Variants in DAAM1 observed in about 807,000 individuals in gnomAD.
DAAM1 encodes the protein dishevelled associated activator of morphogenesis 1.
DAAM1 carries 52 observed loss-of-function variants against 130.0 expected under a neutral mutation model. The ratio of observed to expected loss-of-function variants is 0.40; its 90% CI spans 0.32 to 0.50. DAAM1 has a LOEUF of 0.50. DAAM1 is among the 20% of genes least tolerant of loss of function. The pLI is 0.61. For missense variants in DAAM1, 1,134 were observed against 1,303.8 expected (o/e 0.87, Z 2.01); for synonymous variants, 452 against 444.5 (o/e 1.02, Z -0.21).
At chr14:59,352,394 C>T (rs1886322942) in intron 17 of DAAM1, 132 bp from the exon 18 acceptor site, 1 of 623,654 alleles carries the variant, frequency 1.6e-6, no homozygotes. Flanking sequence ...TGTATCTTAA[C>T]CTGTGAGCAG....
chr14:59,232,559 T>C (rs960474508), intron 1 of DAAM1, among the ~76,000 whole-genome samples: 33 of 152,146 alleles, frequency 2.2e-4, no homozygotes, highest in Admixed American at 1.8e-3. Flanking sequence ...AAATAAGCCA[T>C]GTAGTATGTC....
chr14:59,283,217 A>C (rs2139547741), intron 2 of DAAM1, among the ~76,000 whole-genome samples: 1 of 152,318 alleles, frequency 6.6e-6, no homozygotes, highest in South Asian at 2.1e-4. Flanking sequence ...CCCCAAAACT[A>C]AGCAAGTTAC....
intron 4 of DAAM1, among the ~76,000 whole-genome samples, chr14:59,317,842 T>C (rs768547298): frequency 1.3e-4 from 20 of 152,176 alleles, no homozygotes; most frequent in Non-Finnish European, 2.9e-4. Context: ...AATTCAGTTT[T>C]TGAAACCCTG....
chr14:59,288,656 G>A (rs921283996), intron 2 of DAAM1, among the ~76,000 whole-genome samples: 3 of 152,138 alleles, frequency 2.0e-5, no homozygotes, highest in Admixed American at 6.6e-5. Context: ...GCTAATCACT[G>A]TACTACTCTG....
intron 16 of DAAM1, among the ~76,000 whole-genome samples, chr14:59,340,457 C>T (rs1160566101): frequency 6.6e-6 from 1 of 152,156 alleles, no homozygotes; most frequent in Non-Finnish European, 1.5e-5. Context: ...AAGCCTGTAA[C>T]ATCGACTTGA....
At chr14:59,314,973 A>T (rs1884729595) in intron 3 of DAAM1, among the ~76,000 whole-genome samples, 1 of 152,196 alleles carries the variant, frequency 6.6e-6, no homozygotes, top group South Asian at 2.1e-4. Flanking sequence ...CCAGTGTGAC[A>T]TAGCCCCTGA....
chr14:59,209,943 C>T (rs1245229873), intron 1 of DAAM1, among the ~76,000 whole-genome samples: 2 of 151,578 alleles, frequency 1.3e-5, no homozygotes, highest in Admixed American at 6.6e-5. Flanking sequence ...ATAGGGAGAC[C>T]CCCATCTCTA....
At position 59,330,550 on chromosome 14, in the gene DAAM1, T is replaced by C; in HGVS notation, c.1422T>C (p.Asp474=). The C allele has an allele frequency of 1.2e-6, 2 of 1,613,598 alleles. No homozygotes were observed. Among genetic ancestry groups the C allele is most frequent in the South Asian group, 1.1e-5 (1 of 91,006 alleles). ...QKLEKKEREC[D]AKTQEKEEMM... ...TGGAAAAGAAAGAACGAGAATGTGATGCTAAGACTCAAGAGAAGGAAGAGA... is the reference window on the plus strand; with the variant it reads ...TGGAAAAGAAAGAACGAGAATGTGACGCTAAGACTCAAGAGAAGGAAGAGA... Residue 474 remains aspartate, a synonymous_variant, in exon 13 of 25, where the codon GAT becomes GAC. Coordinates refer to ENST00000360909, the MANE Select transcript of DAAM1 (RefSeq NM_001270520.2).
intron 1 of DAAM1, among the ~76,000 whole-genome samples, chr14:59,219,488 G>C (rs1372891464): frequency 6.6e-6 from 1 of 152,120 alleles, no homozygotes; most frequent in Non-Finnish European, 1.5e-5. Flanking sequence ...CACTTCAAGA[G>C]ATGGCTTATA....
At position 59,322,961 on chromosome 14, in the gene DAAM1, C is replaced by T. The variant is rs1231745080; in HGVS notation, c.510C>T (p.Tyr170=). Residue 170 remains tyrosine, a synonymous_variant, in exon 6 of 25, where the codon TAC becomes TAT. Transcript: ENST00000360909. ...CILNFLKTMD[Y]ETSESRIHTS... The stretch of plus-strand genomic sequence containing the variant: ...TCAACTTTCTAAAGACCATGGACTA[C>T]GAGACCTCAGAGTCTCGAATACATA... 1.3e-5 allele frequency: 21 copies of T among 1,614,124 alleles called. No individual in the cohort carries two copies. The highest frequency in any genetic ancestry group is 3.3e-5 in the South Asian group (3 of 91,078).
intron 15 of DAAM1, among the ~76,000 whole-genome samples, chr14:59,335,655 CT>C (rs1464441352): frequency 3.3e-5 from 5 of 152,092 alleles, no homozygotes; most frequent in African/African-American, 9.7e-5. Context: ...TTCCTTCCCC[CT>C]GATCTTTGCT....
Position 59,284,420 on chromosome 14 carries a change from T to C in DAAM1, c.184-6797T>C, listed in dbSNP as rs564197691. Among the ~76,000 whole-genome samples, 4 of 152,254 alleles carry C rather than the reference T, an allele frequency of 2.6e-5. No homozygotes were observed. In the East Asian group the frequency reaches 7.7e-4, roughly 29 times the overall value. ...TGCAAGAGCCATTCAGAGGGGGACT[T>C]TTAAAATATTCCTTGGAGATCTAAA... On this transcript the variant is annotated intron_variant, in intron 2 of 24. Coordinates refer to ENST00000360909, the MANE Select transcript of DAAM1 (RefSeq NM_001270520.2).
At chr14:59,338,278 T>A in intron 15 of DAAM1, 1 of 1,115,222 alleles carries the variant, frequency 9.0e-7, no homozygotes, top group Non-Finnish European at 1.4e-6. Context: ...TCTCTTACCC[T>A]ACATCACTTG....
chr14:59,350,145 A>C (rs533431737), intron 17 of DAAM1, among the ~76,000 whole-genome samples: 1 of 152,214 alleles, frequency 6.6e-6, no homozygotes, highest in East Asian at 1.9e-4. Context: ...CCTAGAAGCT[A>C]TCAGGCCCCC....
At chr14:59,355,040 ACT>A in intron 19 of DAAM1, 123 bp from the exon 20 acceptor site, 3 of 1,293,284 alleles carry the variant, frequency 2.3e-6, no homozygotes, top group Admixed American at 4.8e-5. Flanking sequence ...TAACCCAATA[ACT>A]CAGTCTTACA....
chr14:59,320,472 T>C lies in DAAM1; in HGVS notation c.346-18T>C. On this transcript the variant is annotated intron_variant, in intron 4 of 24. Transcript: ENST00000360909. ...AAAAATAGAATTTGAAGAAGTAACT[T>C]CTGTTTTCTTTGCATAGAGAAAATC... 6.3e-7 allele frequency: 1 copy of C among 1,581,198 alleles called. No individual in the cohort carries two copies. Among genetic ancestry groups the C allele is most frequent in the Non-Finnish European group, 8.6e-7 (1 of 1,165,816 alleles).
chr14:59,210,151 C>A (rs1888384092), intron 1 of DAAM1, among the ~76,000 whole-genome samples: 2 of 152,008 alleles, frequency 1.3e-5, no homozygotes, highest in South Asian at 4.1e-4. Flanking sequence ...CTAAAACAAA[C>A]AAACAAAAAA....
In DAAM1 at chr14:59,367,570, G is replaced by A; in HGVS notation, c.2968G>A (p.Glu990Lys). ...AAATATGAGAAAGAAAAAGGAGGAA[G>A]AAGAACGTCGAGCTCGCATGGAAGC... ...NENMRKKKEEEERRARMEAQL... is the reference protein window; with the variant it reads ...NENMRKKKEEKERRARMEAQL... Residue 990 changes from glutamate (E) to lysine (K), a missense_variant, in exon 24 of 25, where the codon GAA (glutamate) becomes AAA (lysine). By Grantham distance (56) the Glu-to-Lys change is moderately conservative. Coordinates refer to ENST00000360909, the MANE Select transcript of DAAM1 (RefSeq NM_001270520.2). The A allele has an allele frequency of 6.2e-7, 1 of 1,613,816 alleles. No individual in the cohort carries two copies. The highest frequency in any genetic ancestry group is 8.5e-7 in the Non-Finnish European group (1 of 1,179,870).
intron 23 of DAAM1, 82 bp downstream of exon 23, chr14:59,363,864 G>T: frequency 6.4e-7 from 1 of 1,565,956 alleles, no homozygotes; most frequent in Non-Finnish European, 8.6e-7. Flanking sequence ...TTCTGTACGG[G>T]AAATAGCAGG....
Sources: allele counts gnomAD v4.1 joint callset (sites outside exome capture counted in the v4.1 genomes callset), GRCh38; gene constraint gnomAD v4.1.1; transcripts MANE v1.5; gene names NCBI Gene and HGNC (gene_info 2026-07-23, HGNC 2026-07-21).